Variants in ZC3H18 observed in about 807,000 individuals in gnomAD.
ZC3H18 encodes the protein zinc finger CCCH domain-containing protein 18.
ZC3H18 carries 8 observed loss-of-function variants against 106.1 expected under a neutral mutation model. That is an observed-to-expected ratio of 0.08 (90% CI 0.04 to 0.14). The LOEUF (loss-of-function observed/expected upper bound fraction) is 0.14, where lower values mean the gene tolerates loss of function less well. ZC3H18 is among the 10% of genes least tolerant of loss of function. ZC3H18 has a pLI of 1.00. For missense variants in ZC3H18, 1,318 were observed against 1,278.4 expected, an observed-to-expected ratio of 1.03 and a Z score of -0.47; for synonymous variants, 635 against 522.1, an observed-to-expected ratio of 1.22 and a Z score of -2.95.
Position 88,590,036 on chromosome 16 carries a change from A to T in ZC3H18, c.688+3352A>T, listed in dbSNP as rs374549498. On this transcript the variant is annotated intron_variant, in intron 3 of 17. Coordinates refer to ENST00000301011, the MANE Select transcript of ZC3H18 (RefSeq NM_144604.4). ...GGTAGCTCATACCTGGAATCCTAGC[A>T]CTTTGGGAAGCTGAATGGGGAGGAT... Among the ~76,000 whole-genome samples, 8 of 152,356 alleles carry T rather than the reference A, an allele frequency of 5.3e-5. No individual in the cohort carries two copies. The South Asian group carries it at 1.7e-3, about 32-fold the overall frequency.
chr16:88,583,101 C>T (rs1447638016), intron 2 of ZC3H18, among the ~76,000 whole-genome samples: 3 of 152,248 alleles, frequency 2.0e-5, no homozygotes, highest in African/African-American at 4.8e-5. Context: ...CCCGGCTGCT[C>T]GGCTTCCTCT....
At chr16:88,622,434 C>G (rs566874183) in intron 9 of ZC3H18, 46 bp downstream of exon 9, 3 of 1,530,988 alleles carry the variant, frequency 2.0e-6, no homozygotes, top group Non-Finnish European at 2.6e-6. Flanking sequence ...ACCTTGGAGC[C>G]GTCAGCTGAC....
At position 88,587,964 on chromosome 16, in the gene ZC3H18, C is replaced by T. The variant is rs144961537; in HGVS notation, c.688+1280C>T. 7.5e-3 allele frequency among the ~76,000 whole-genome samples: 1,148 copies of T among 152,266 alleles called. 20 individuals are homozygous for T. Among genetic ancestry groups the T allele is most frequent in the African/African-American group, 0.027 (1,105 of 41,552 alleles). On this transcript the variant is annotated intron_variant, in intron 3 of 17. Transcript: ENST00000301011. ...GTGGGTGTGTGCTTGCTTGGTTTTG[C>T]CAAGCAAAAACAGTTGACGTGCCCA...
intron 13 of ZC3H18, chr16:88,626,441 T>A (rs1344616060): frequency 6.6e-6 from 1 of 152,246 alleles, no homozygotes; most frequent in African/African-American, 2.4e-5. Context: ...AAATCAGTCC[T>A]TAGATTCCTT....
chr16:88,582,728 A>G (rs972617787), intron 2 of ZC3H18, among the ~76,000 whole-genome samples: 2 of 152,148 alleles, frequency 1.3e-5, no homozygotes, highest in African/African-American at 4.8e-5. Context: ...GAAAAAGCGC[A>G]GGCCACCGTC....
At chr16:88,589,606 C>T (rs1378438603) in intron 3 of ZC3H18, among the ~76,000 whole-genome samples, 1 of 148,964 alleles carries the variant, frequency 6.7e-6, no homozygotes, top group Non-Finnish European at 1.5e-5. Flanking sequence ...CACGCCGCAA[C>T]GTGGACGAGC....
chr16:88,590,088 G>A (rs920358292), intron 3 of ZC3H18, among the ~76,000 whole-genome samples: 9 of 152,158 alleles, frequency 5.9e-5, no homozygotes, highest in African/African-American at 2.2e-4. Flanking sequence ...TTAGAGACCA[G>A]CCTGGGCAAC....
chr16:88,583,179 G>A (rs533910462), intron 2 of ZC3H18, among the ~76,000 whole-genome samples: 2 of 152,224 alleles, frequency 1.3e-5, no homozygotes, highest in Non-Finnish European at 2.9e-5. Context: ...AAGCTCCAGT[G>A]TGAAATAACT....
chr16:88,592,039 G>C (rs889219991), intron 3 of ZC3H18, among the ~76,000 whole-genome samples: 6 of 152,248 alleles, frequency 3.9e-5, no homozygotes, highest in African/African-American at 1.4e-4. Flanking sequence ...CGGAGCCGCT[G>C]GCAGTGGAGT....
At chr16:88,570,693 C>T (rs1286476845) in intron 1 of ZC3H18, 127 bp downstream of exon 1, 1 of 151,296 alleles carries the variant, frequency 6.6e-6, no homozygotes, top group Non-Finnish European at 1.5e-5. Flanking sequence ...GCCGTGCGGA[C>T]CCACCGGCCG....
chr16:88,618,951 T>G (rs1475896595), intron 8 of ZC3H18, among the ~76,000 whole-genome samples: 1 of 152,196 alleles, frequency 6.6e-6, no homozygotes, highest in Non-Finnish European at 1.5e-5. Context: ...CTCGGTGGGC[T>G]GTCCTGGGGC....
At chr16:88,580,212 A>AG (rs1567577190) in intron 2 of ZC3H18, among the ~76,000 whole-genome samples, 17 of 60,202 alleles carry the variant, frequency 2.8e-4, no homozygotes, top group Admixed American at 4.8e-4. Flanking sequence ...GTGTGTGTAT[A>AG]TGTATATGTC....
At chr16:88,610,710 C>T (rs11646212) in intron 7 of ZC3H18, among the ~76,000 whole-genome samples, 37,148 of 152,166 alleles carry the variant, frequency 0.24, 4,937 homozygotes, top group Middle Eastern at 0.36. Context: ...AAAGGGCATC[C>T]GAGGATTGTA....
At chr16:88,575,897 T>G (rs896158310) in intron 1 of ZC3H18, among the ~76,000 whole-genome samples, 1 of 152,038 alleles carries the variant, frequency 6.6e-6, no homozygotes, top group Middle Eastern at 3.4e-3. Context: ...TTTGTTTGTT[T>G]GTTTGTTTTT....
chr16:88,587,767 G>C (rs1652015980), intron 3 of ZC3H18, among the ~76,000 whole-genome samples: 1 of 152,206 alleles, frequency 6.6e-6, no homozygotes, highest in Non-Finnish European at 1.5e-5. Context: ...CTCCTCCTTA[G>C]AGGCACGTGA....
chr16:88,574,263 G>T (rs146283902), intron 1 of ZC3H18, among the ~76,000 whole-genome samples: 1 of 152,034 alleles, frequency 6.6e-6, no homozygotes, highest in Non-Finnish European at 1.5e-5. Context: ...AGGCTGGAGT[G>T]CAGTGGTGTG....
At chr16:88,609,074 C>T (rs1300668871) in intron 7 of ZC3H18, 23 bp downstream of exon 7, 19 of 1,554,196 alleles carry the variant, frequency 1.2e-5, no homozygotes, top group Non-Finnish European at 1.7e-5. Context: ...TCAATATCCA[C>T]ATATGAACTT....
intron 2 of ZC3H18, among the ~76,000 whole-genome samples, chr16:88,580,181 T>A (rs1915025877): frequency 1.5e-5 from 1 of 68,870 alleles, no homozygotes; most frequent in South Asian, 4.4e-4. Flanking sequence ...TGTGTGTGTG[T>A]GTGTGTGTGT....
intron 6 of ZC3H18, among the ~76,000 whole-genome samples, chr16:88,606,849 TGAG>T (rs998790236): frequency 2.0e-5 from 3 of 152,164 alleles, no homozygotes; most frequent in Non-Finnish European, 4.4e-5. Flanking sequence ...TGTGGAGAGT[TGAG>T]GAGGCCTCGA....
Sources: gnomAD v4.1 joint callset for allele counts (sites outside exome capture counted in the v4.1 genomes callset) on GRCh38, gnomAD v4.1.1 for gene constraint, MANE v1.5 for transcripts, NCBI Gene and HGNC (gene_info 2026-07-23, HGNC 2026-07-21) for gene names.